Variants in IDO2 observed in about 807,000 individuals in gnomAD.
IDO2 encodes indoleamine 2,3-dioxygenase-like 1 protein.
IDO2 carries 46 observed loss-of-function variants against 45.1 expected under a neutral mutation model. That is an observed-to-expected ratio of 1.02 (90% CI 0.80 to 1.30). The LOEUF is 1.30. Ranked by LOEUF, IDO2 falls within the 50% of genes most tolerant of loss-of-function variation. The probability of loss-of-function intolerance (pLI) is 0.00; values close to 1 mark genes in which losing one functional copy is unlikely to be tolerated. For synonymous variants in IDO2, 218 were observed against 184.9 expected (o/e 1.18, Z -1.45); for missense variants, 544 against 491.8 (o/e 1.11, Z -1.00).
At position 39,968,889 on chromosome 8, in the gene IDO2, A is replaced by T. The variant is rs192686789; in HGVS notation, c.195+5186A>T. Among the ~76,000 whole-genome samples the T allele has an allele frequency of 3.4e-3, 365 of 106,506 alleles. 1 individual carries two copies. Among genetic ancestry groups the T allele is most frequent in the African/African-American group, 0.017 (338 of 19,510 alleles). 69.9% of individuals were successfully genotyped at this position (106,506 alleles called of 152,430 possible). A position where few individuals can be genotyped will look rare whatever the true frequency, so the allele number is the denominator to read the frequency against. ...ACTTAAAGCAAATTTTTAAAAAAGT[A>T]AAAAAAAAAAAAACAAACAACAACA... is the stretch of plus-strand genomic sequence containing the variant. On this transcript the variant is annotated intron_variant, in intron 3 of 10. Transcript: ENST00000502986.
At chr8:39,995,667 TATG>T (rs1360939137) in intron 8 of IDO2, among the ~76,000 whole-genome samples, 1 of 152,236 alleles carries the variant, frequency 6.6e-6, no homozygotes, top group African/African-American at 2.4e-5. Flanking sequence ...AGATTATAGA[TATG>T]ATTACATATG....
At chr8:39,935,422 C>CTGG (rs1011992572) in intron 1 of IDO2, among the ~76,000 whole-genome samples, 8 of 119,070 alleles carry the variant, frequency 6.7e-5, no homozygotes, top group African/African-American at 2.2e-4. Flanking sequence ...CATTACTTTT[C>CTGG]TGGTTGTTGT....
At chr8:39,994,689 TTCAGCCTGAATCTGGGAAATTGTTCCTAC>T (rs1802003837) in intron 8 of IDO2, among the ~76,000 whole-genome samples, 1 of 151,536 alleles carries the variant, frequency 6.6e-6, no homozygotes. Context: ...GTTCCTACGG[TTCAGCCTGAATCTGGGAAATTGTTCCTAC>T]CTTATAAACT....
At chr8:40,008,045 C>CTT (rs34451617) in intron 9 of IDO2, among the ~76,000 whole-genome samples, 86 of 103,318 alleles carry the variant, frequency 8.3e-4, no homozygotes, top group African/African-American at 2.9e-3. Context: ...AGCACTGGCA[C>CTT]TTTTTTTTTT....
chr8:39,951,949 G>A (rs1807820760), intron 2 of IDO2, among the ~76,000 whole-genome samples: 1 of 152,194 alleles, frequency 6.6e-6, no homozygotes, highest in African/African-American at 2.4e-5. Context: ...GATATGCTAT[G>A]GTTTTGTTAA....
chr8:39,958,187 G>T lies in IDO2; in HGVS notation c.100-5421G>T, dbSNP rs769753133. 2.0e-5 allele frequency among the ~76,000 whole-genome samples: 3 copies of T among 151,714 alleles called. 1 individual carries two copies. Among genetic ancestry groups the T allele is most frequent in the Non-Finnish European group, 4.4e-5 (3 of 67,924 alleles). ...CCTAGAGTGCTGGGATTACAGGCGC[G>T]AGCCACCGCGCCCAGACTTTATTTT... On this transcript the variant is annotated intron_variant, in intron 2 of 10. Coordinates refer to ENST00000502986, the Ensembl canonical transcript of IDO2.
Position 39,935,003 on chromosome 8 carries a change from T to A in IDO2, c.-233T>A. On this transcript the variant is annotated 5_prime_UTR_variant, in exon 1 of 11. The change abolishes an upstream ATG in the 5' untranslated region. Transcript: ENST00000502986. ...CAGTAAGAATACAGAGAGTCCACAA[T>A]GAGATGAAAATGCACTGCCAGTTGA... The A allele has an allele frequency of 1.5e-6, 1 of 683,228 alleles. No individual in the cohort carries two copies. Among genetic ancestry groups the A allele is most frequent in the Non-Finnish European group, 2.6e-6 (1 of 378,390 alleles). 42.3% of individuals were successfully genotyped at this position (683,228 alleles called of 1,614,324 possible).
intron 9 of IDO2, among the ~76,000 whole-genome samples, chr8:40,007,985 T>A (rs1802246985): frequency 6.6e-6 from 1 of 152,020 alleles, no homozygotes; most frequent in Admixed American, 6.6e-5. Context: ...TGCTCTCAGC[T>A]TCTTGAGGCA....
chr8:39,974,436 T>G (rs1808228360), intron 3 of IDO2, among the ~76,000 whole-genome samples: 1 of 152,220 alleles, frequency 6.6e-6, no homozygotes, highest in African/African-American at 2.4e-5. Flanking sequence ...CAAAAATGTT[T>G]CATCTGTTGG....
chr8:40,013,450 TA>T, intron 9 of IDO2, 114 bp from the exon 10 acceptor site: 1 of 1,068,414 alleles, frequency 9.4e-7, no homozygotes, highest in Non-Finnish European at 1.4e-6. Context: ...TCCCTCACCC[TA>T]AAATTACCAT....
At chr8:39,957,331 G>C (rs1395334257) in intron 2 of IDO2, among the ~76,000 whole-genome samples, 4 of 152,062 alleles carry the variant, frequency 2.6e-5, no homozygotes, top group African/African-American at 7.2e-5. Context: ...TGGAAATCAG[G>C]CTAGAGGTGG....
chr8:40,013,010 ATTGGTAG>A (rs1802330058), intron 9 of IDO2, among the ~76,000 whole-genome samples: 1 of 152,140 alleles, frequency 6.6e-6, no homozygotes, highest in Non-Finnish European at 1.5e-5. Flanking sequence ...AATATCCAGA[ATTGGTAG>A]TTTAACGTGA....
At chr8:39,939,966 G>T (rs1807619322) in intron 1 of IDO2, among the ~76,000 whole-genome samples, 1 of 148,990 alleles carries the variant, frequency 6.7e-6, no homozygotes, top group South Asian at 2.1e-4. Flanking sequence ...TTTCCAAAAA[G>T]CCCTAATACC....
chr8:39,958,640 G>A (rs968666191), intron 2 of IDO2, among the ~76,000 whole-genome samples: 6 of 152,042 alleles, frequency 3.9e-5, no homozygotes, highest in African/African-American at 1.4e-4. Context: ...TAGTAGAGAC[G>A]GGGTTTCACC....
chr8:39,994,659 C>A lies in IDO2; in HGVS notation c.667+4821C>A, dbSNP rs373549291. Reference sequence around the variant, plus strand: ...TTCTGGCAGAGTAAATGTCTCGGTTCAGCCTGAATCTGGGAAATTGTTCCT... The same window carrying A: ...TTCTGGCAGAGTAAATGTCTCGGTTAAGCCTGAATCTGGGAAATTGTTCCT... On this transcript the variant is annotated intron_variant, in intron 8 of 10. Coordinates refer to ENST00000502986, the Ensembl canonical transcript of IDO2. Among the ~76,000 whole-genome samples the A allele has an allele frequency of 6.7e-4, 31 of 46,466 alleles. No homozygotes were observed. The East Asian group carries it at 8.7e-3, about 13-fold the overall frequency. 30.5% of individuals were successfully genotyped at this position (46,466 alleles called of 152,430 possible). A position where few individuals can be genotyped will look rare whatever the true frequency, so the allele number is the denominator to read the frequency against.
chr8:39,972,465 C>G (rs1365641753), intron 3 of IDO2, among the ~76,000 whole-genome samples: 1 of 151,784 alleles, frequency 6.6e-6, no homozygotes, highest in African/African-American at 2.4e-5. Flanking sequence ...CAAAAATTAG[C>G]TGGTCATGGT....
chr8:39,982,821 C>A, intron 5 of IDO2, 51 bp downstream of exon 5: 2 of 1,178,000 alleles, frequency 1.7e-6, no homozygotes, highest in South Asian at 1.4e-5. Context: ...CCCCAGGAAA[C>A]ACCCAGGCTT....
chr8:40,016,276 T>C, exon 11 of IDO2: 1 of 398,216 alleles, frequency 2.5e-6, no homozygotes, highest in Non-Finnish European at 4.4e-6. Flanking sequence ...CTTCTTACTC[T>C]GAAAATCTGT....
exon 11 of IDO2, chr8:40,016,234 T>G: frequency 2.5e-6 from 1 of 398,312 alleles, no homozygotes; most frequent in Non-Finnish European, 4.4e-6. Flanking sequence ...AATTCTATTG[T>G]AATGCCTTTA....
Sources: allele counts gnomAD v4.1 joint callset (sites outside exome capture counted in the v4.1 genomes callset), GRCh38; gene constraint gnomAD v4.1.1; transcripts MANE v1.5; gene names NCBI Gene and HGNC (gene_info 2026-07-23, HGNC 2026-07-21).